Variants in PDLIM1 observed in about 807,000 individuals in gnomAD.
The protein encoded by PDLIM1 is PDZ and LIM domain protein 1.
PDLIM1 carries 25 observed loss-of-function variants against 35.2 expected under a neutral mutation model. The observed-to-expected ratio is 0.71, with a 90% CI of 0.52 to 0.99. PDLIM1 has a LOEUF of 0.99. PDLIM1 is among the 50% of genes least tolerant of loss of function. The probability of loss-of-function intolerance (pLI) is 0.00; values close to 1 mark genes in which losing one functional copy is unlikely to be tolerated. For missense variants in PDLIM1, 363 were observed against 415.3 expected (o/e 0.87, Z 1.09); for synonymous variants, 152 against 154.0 (o/e 0.99, Z 0.10).
At chr10:95,253,368 G>A (rs1310341994) in intron 4 of PDLIM1, among the ~76,000 whole-genome samples, 1 of 152,076 alleles carries the variant, frequency 6.6e-6, no homozygotes, top group Non-Finnish European at 1.5e-5. Context: ...CCCTAACAAT[G>A]TTTAAAGGAA....
rs560859764 is a variant in PDLIM1 at position 95,245,746 on chromosome 10, G to T, written c.685+1469C>A. On this transcript the variant is annotated intron_variant, in intron 5 of 6. Transcript: ENST00000329399. ...ACAGTATCATTTTAGCATAAAAGAA[G>T]CACATGCAAACACATGGCCCATGGT... Among the ~76,000 whole-genome samples, 6 of 152,278 alleles carry T rather than the reference G, an allele frequency of 3.9e-5. No homozygotes were observed. The East Asian group carries it at 1.2e-3, about 29-fold the overall frequency.
chr10:95,244,014 A>G (rs768898590), intron 5 of PDLIM1, among the ~76,000 whole-genome samples: 2 of 152,284 alleles, frequency 1.3e-5, no homozygotes, highest in South Asian at 2.1e-4. Context: ...AAAGAGTTCT[A>G]TGGATGGATG....
chr10:95,248,438 G>A (rs1384551533), intron 4 of PDLIM1, among the ~76,000 whole-genome samples: 1 of 152,188 alleles, frequency 6.6e-6, no homozygotes, highest in African/African-American at 2.4e-5. Flanking sequence ...TGTAGAGACA[G>A]AGTCTTGCTG....
chr10:95,264,569 C>A (rs1056976199), intron 3 of PDLIM1, among the ~76,000 whole-genome samples: 4 of 152,194 alleles, frequency 2.6e-5, no homozygotes, highest in African/African-American at 9.7e-5. Flanking sequence ...GGGGAAGCAG[C>A]TGCTGACTAG....
chr10:95,247,396 G>A (rs763043840), intron 4 of PDLIM1, 30 bp from the exon 5 acceptor site: 59 of 1,581,098 alleles, frequency 3.7e-5, no homozygotes, highest in Non-Finnish European at 4.7e-5. Flanking sequence ...AATTGATTAG[G>A]ACATGACAGA....
intron 1 of PDLIM1, among the ~76,000 whole-genome samples, chr10:95,282,118 A>G (rs1483636505): frequency 6.6e-6 from 1 of 152,244 alleles, no homozygotes; most frequent in Non-Finnish European, 1.5e-5. Context: ...ATTCAAGTTC[A>G]ATCGCAATGC....
At chr10:95,253,976 G>T (rs2035289027) in intron 4 of PDLIM1, among the ~76,000 whole-genome samples, 1 of 151,928 alleles carries the variant, frequency 6.6e-6, no homozygotes, top group Non-Finnish European at 1.5e-5. Flanking sequence ...TACTGAAAAG[G>T]TTATACAAAG....
chr10:95,253,930 A>T (rs1247770504), intron 4 of PDLIM1, among the ~76,000 whole-genome samples: 1 of 152,222 alleles, frequency 6.6e-6, no homozygotes, highest in Non-Finnish European at 1.5e-5. Flanking sequence ...GTAAACTGTG[A>T]TAAGTTATAT....
intron 1 of PDLIM1, among the ~76,000 whole-genome samples, chr10:95,282,995 G>A (rs532453280): frequency 1.3e-5 from 2 of 152,192 alleles, no homozygotes; most frequent in South Asian, 4.1e-4. Flanking sequence ...TGAACCCTAC[G>A]TGCTTTTAAA....
chr10:95,256,986 A>AAAAAGAAAGAAAG (rs1554832103), intron 4 of PDLIM1, among the ~76,000 whole-genome samples: 28 of 61,664 alleles, frequency 4.5e-4, no homozygotes, highest in Non-Finnish European at 6.6e-4. Flanking sequence ...AAAAAAAAAA[A>AAAAAGAAAGAAAG]AAAGAAAGAA....
intron 3 of PDLIM1, among the ~76,000 whole-genome samples, chr10:95,267,339 T>C (rs1362429551): frequency 6.6e-6 from 1 of 152,204 alleles, no homozygotes; most frequent in African/African-American, 2.4e-5. Flanking sequence ...TTGTGTGTTA[T>C]AAAATATGTA....
intron 1 of PDLIM1, among the ~76,000 whole-genome samples, chr10:95,289,423 G>C (rs2035632345): frequency 6.6e-6 from 1 of 152,204 alleles, no homozygotes; most frequent in African/African-American, 2.4e-5. Flanking sequence ...AATAATCAGA[G>C]GTCTCTGTGG....
intron 4 of PDLIM1, among the ~76,000 whole-genome samples, chr10:95,259,246 C>T (rs1393462034): frequency 6.6e-6 from 1 of 151,964 alleles, no homozygotes; most frequent in Non-Finnish European, 1.5e-5. Flanking sequence ...AGTGAATCTA[C>T]AATTATCTCA....
chr10:95,280,213 T>TA (rs1308121588), intron 1 of PDLIM1, among the ~76,000 whole-genome samples: 1 of 152,012 alleles, frequency 6.6e-6, no homozygotes, highest in Non-Finnish European at 1.5e-5. Flanking sequence ...CCGTCTCTAC[T>TA]AAAAATACAA....
At position 95,263,520 on chromosome 10, in the gene PDLIM1, G is replaced by A. The variant is rs143020933; in HGVS notation, c.533+344C>T. Among the ~76,000 whole-genome samples, 617 of 152,240 alleles carry A rather than the reference G, an allele frequency of 4.1e-3. 4 individuals carry two copies. The highest frequency in any genetic ancestry group is 0.014 in the African/African-American group (580 of 41,554). ...GACTAATAATACTGAAGAATTTCTCGGGAAGCAGCAGGCCTGTCAAGGAAG... is the reference window on the plus strand; with the variant it reads ...GACTAATAATACTGAAGAATTTCTCAGGAAGCAGCAGGCCTGTCAAGGAAG... On this transcript the variant is annotated intron_variant, in intron 4 of 6. Coordinates refer to ENST00000329399, the MANE Select transcript of PDLIM1 (RefSeq NM_020992.4).
Position 95,263,822 on chromosome 10 carries a change from C to T in PDLIM1, c.533+42G>A, listed in dbSNP as rs1425704843. 5 of 1,513,962 alleles carry T rather than the reference C, an allele frequency of 3.3e-6. No homozygotes were observed. The Admixed American group carries it at 9.3e-5, about 28-fold the overall frequency. The allele number at this position is 1,513,962 out of a possible 1,614,324, so 93.8% of individuals were successfully genotyped here. A position where few individuals can be genotyped will look rare whatever the true frequency, so the allele number is the denominator to read the frequency against. ...AGCCCTGGTCCTGATGTGAAAAGCCCCTCCCAGGAGCGGCTCAGAGGAGGA... is the reference window on the plus strand; with the variant it reads ...AGCCCTGGTCCTGATGTGAAAAGCCTCTCCCAGGAGCGGCTCAGAGGAGGA... On this transcript the variant is annotated intron_variant, in intron 4 of 6. Transcript: ENST00000329399.
At chr10:95,247,402 A>G in intron 4 of PDLIM1, 36 bp from the exon 5 acceptor site, 2 of 1,569,600 alleles carry the variant, frequency 1.3e-6, no homozygotes, top group Non-Finnish European at 1.7e-6. Flanking sequence ...TTAGGACATG[A>G]CAGAAGTTAA....
chr10:95,280,362 G>A (rs905158492), intron 1 of PDLIM1, among the ~76,000 whole-genome samples: 88 of 152,256 alleles, frequency 5.8e-4, no homozygotes, highest in African/African-American at 1.8e-3. Context: ...GCAACAGAGC[G>A]AGATTCCATC....
chr10:95,283,981 C>CTCTCTCTGTGTG (rs143926521), intron 1 of PDLIM1, among the ~76,000 whole-genome samples: 7 of 150,206 alleles, frequency 4.7e-5, no homozygotes, highest in African/African-American at 1.5e-4. Context: ...GCCTTTTTCT[C>CTCTCTCTGTGTG]TGTGTGTGTG....
Sources: gnomAD v4.1 joint callset for allele counts (sites outside exome capture counted in the v4.1 genomes callset) on GRCh38, gnomAD v4.1.1 for gene constraint, MANE v1.5 for transcripts, NCBI Gene and HGNC (gene_info 2026-07-23, HGNC 2026-07-21) for gene names.